Variants in SMARCA5 observed in about 807,000 individuals in gnomAD.
SMARCA5 encodes SNF2 related chromatin remodeling ATPase 5, also known as SWI/SNF-related matrix-associated actin-dependent regulator of chromatin subfamily A member 5.
SMARCA5 carries 18 observed loss-of-function variants against 140.4 expected under a neutral mutation model. That is an observed-to-expected ratio of 0.13 (90% CI 0.09 to 0.19). The LOEUF is 0.19. Ranked by LOEUF, SMARCA5 falls within the 10% of genes least tolerant of loss-of-function variation. The pLI is 1.00. For missense variants in SMARCA5, 606 were observed against 1,276.8 expected (o/e 0.47, Z 8.01); for synonymous variants, 449 against 419.6 (o/e 1.07, Z -0.86).
At chr4:143,525,096 A>G (rs1171580254) in intron 4 of SMARCA5, among the ~76,000 whole-genome samples, 1 of 149,328 alleles carries the variant, frequency 6.7e-6, no homozygotes, top group African/African-American at 2.5e-5. Flanking sequence ...GATAACCTGT[A>G]TCTGGTCTTT....
intron 20 of SMARCA5, 80 bp from the exon 21 acceptor site, chr4:143,547,305 A>G: frequency 1.3e-6 from 1 of 742,888 alleles, no homozygotes; most frequent in South Asian, 1.7e-5. Flanking sequence ...TAGAAGATAA[A>G]TAATCCAGTT....
intron 3 of SMARCA5, among the ~76,000 whole-genome samples, chr4:143,523,292 G>T (rs1049821514): frequency 6.6e-6 from 1 of 151,840 alleles, no homozygotes; most frequent in African/African-American, 2.4e-5. Flanking sequence ...CTCCTAAAGT[G>T]TTGGGATTAC....
chr4:143,535,447 A>T (rs1399612334), intron 10 of SMARCA5, among the ~76,000 whole-genome samples: 1 of 152,192 alleles, frequency 6.6e-6, no homozygotes, highest in African/African-American at 2.4e-5. Context: ...TTAACTGCAT[A>T]CTTAAATTTT....
In SMARCA5 at chr4:143,513,751, C is replaced by T. The variant is rs964863251; in HGVS notation, c.-174C>T. 3 of 672,096 alleles carry T rather than the reference C, an allele frequency of 4.5e-6. No individual in the cohort carries two copies. Among genetic ancestry groups the T allele is most frequent in the South Asian group, 1.9e-5 (1 of 53,092 alleles). 41.6% of individuals were successfully genotyped at this position (672,096 alleles called of 1,614,324 possible). A position where few individuals can be genotyped will look rare whatever the true frequency, so the allele number is the denominator to read the frequency against. On this transcript the variant is annotated 5_prime_UTR_variant, in exon 1 of 24. Coordinates refer to ENST00000283131, the MANE Select transcript of SMARCA5 (RefSeq NM_003601.4). ...GAAGAGCAGAACGTTTGGGAGTGTG[C>T]AGCTCCTGGGCCCGGCTCAGGCCCG... is the stretch of plus-strand genomic sequence containing the variant.
intron 14 of SMARCA5, among the ~76,000 whole-genome samples, chr4:143,541,727 C>T (rs958577555): frequency 1.3e-5 from 2 of 152,116 alleles, no homozygotes; most frequent in African/African-American, 4.8e-5. Context: ...GGGGACTTCT[C>T]GAGGCTGCCA....
Position 143,555,325 on chromosome 4 carries a change from A to T in SMARCA5, c.*2141A>T, listed in dbSNP as rs566315291. The T allele has an allele frequency of 1.4e-6, 1 of 740,438 alleles. No individual in the cohort carries two copies. Among genetic ancestry groups the T allele is most frequent in the Non-Finnish European group, 2.5e-6 (1 of 405,230 alleles). The allele number at this position is 740,438 out of a possible 1,614,324, so 45.9% of individuals were successfully genotyped here. A position where few individuals can be genotyped will look rare whatever the true frequency, so the allele number is the denominator to read the frequency against. The stretch of plus-strand genomic sequence containing the variant: ...TACCACCTCCAAAATTGCTTCAATC[A>T]TTACCAAATCTATTATAGCAATCCC... On this transcript the variant is annotated 3_prime_UTR_variant, in exon 24 of 24. Coordinates refer to ENST00000283131, the MANE Select transcript of SMARCA5 (RefSeq NM_003601.4).
At position 143,550,349 on chromosome 4, in the gene SMARCA5, A is replaced by T. The variant is rs189271033; in HGVS notation, c.3093+245A>T. On this transcript the variant is annotated intron_variant, in intron 23 of 23. Transcript: ENST00000283131. ...AGTTGTTATGAGTAAGTATGTATTT[A>T]TAGGTTACATGAGATACTTTGATAC... 5.8e-3 allele frequency among the ~76,000 whole-genome samples: 866 copies of T among 149,864 alleles called. 11 individuals are homozygous for T. Among genetic ancestry groups the T allele is most frequent in the African/African-American group, 0.02 (828 of 40,762 alleles).
At chr4:143,534,189 TAA>T (rs1737257033) in intron 9 of SMARCA5, among the ~76,000 whole-genome samples, 1 of 152,180 alleles carries the variant, frequency 6.6e-6, no homozygotes, top group Admixed American at 6.5e-5. Context: ...ATTGCACACT[TAA>T]TAGTGTAAAT....
At chr4:143,519,689 T>A (rs1736916290) in intron 2 of SMARCA5, among the ~76,000 whole-genome samples, 1 of 152,158 alleles carries the variant, frequency 6.6e-6, no homozygotes, top group African/African-American at 2.4e-5. Flanking sequence ...AAGTTCACTA[T>A]CCACTCCTCG....
chr4:143,514,116 C>A lies in SMARCA5; in HGVS notation c.177+15C>A. 1 of 1,519,764 alleles carries A rather than the reference C, an allele frequency of 6.6e-7. No individual in the cohort carries two copies. Among genetic ancestry groups the A allele is most frequent in the South Asian group, 1.2e-5 (1 of 82,062 alleles). The allele number at this position is 1,519,764 out of a possible 1,614,324, so 94.1% of individuals were successfully genotyped here. On this transcript the variant is annotated intron_variant, in intron 1 of 23. Transcript: ENST00000283131. Reference sequence around the variant, plus strand: ...CCGAGATGGAGGTGAGGGCGACTTGCGGCATGGGGAGCGGGTGCAGCGGGG... The same window carrying A: ...CCGAGATGGAGGTGAGGGCGACTTGAGGCATGGGGAGCGGGTGCAGCGGGG...
chr4:143,531,021 G>A (rs1737173433), intron 9 of SMARCA5, among the ~76,000 whole-genome samples: 1 of 152,098 alleles, frequency 6.6e-6, no homozygotes, highest in Non-Finnish European at 1.5e-5. Context: ...TCACCATGTT[G>A]CCCAGGCTAA....
intron 6 of SMARCA5, among the ~76,000 whole-genome samples, 168 bp from the exon 7 acceptor site, chr4:143,527,700 T>A (rs1008168156): frequency 8.5e-5 from 13 of 152,232 alleles, no homozygotes; most frequent in Non-Finnish European, 5.9e-5. Context: ...ATTAATGACG[T>A]TACTTTAGTC....
chr4:143,542,098 G>T (rs62337402), intron 14 of SMARCA5, among the ~76,000 whole-genome samples: 1 of 151,926 alleles, frequency 6.6e-6, no homozygotes, highest in African/African-American at 2.4e-5. Flanking sequence ...GACCTCAGGC[G>T]ATCCACCCAC....
At chr4:143,517,940 A>T (rs1736875507) in intron 2 of SMARCA5, among the ~76,000 whole-genome samples, 1 of 152,182 alleles carries the variant, frequency 6.6e-6, no homozygotes, top group South Asian at 2.1e-4. Context: ...GTGTCTATGT[A>T]AGCCAAATGG....
chr4:143,517,757 C>T (rs776549666), intron 2 of SMARCA5, among the ~76,000 whole-genome samples: 11 of 152,290 alleles, frequency 7.2e-5, no homozygotes, highest in Admixed American at 3.3e-4. Flanking sequence ...CTAATCACCT[C>T]TTATTAGGCC....
chr4:143,517,149 A>G (rs1736858097), intron 1 of SMARCA5, among the ~76,000 whole-genome samples: 1 of 152,224 alleles, frequency 6.6e-6, no homozygotes, highest in Non-Finnish European at 1.5e-5. Context: ...CAGTTTATAT[A>G]TATGGGTTAA....
intron 14 of SMARCA5, 111 bp downstream of exon 14, chr4:143,540,606 C>T (rs575613278): frequency 3.3e-4 from 325 of 981,296 alleles, no homozygotes; most frequent in Non-Finnish European, 4.5e-4. Flanking sequence ...GTCAAGCTTG[C>T]AGCCAGTAGA....
Position 143,546,002 on chromosome 4 carries a change from C to G in SMARCA5, c.2475C>G (p.Ser825=). 6.2e-7 allele frequency: 1 copy of G among 1,610,198 alleles called. No homozygotes were observed. Among genetic ancestry groups the G allele is most frequent in the Non-Finnish European group, 8.5e-7 (1 of 1,177,588 alleles). The change falls in exon 19 of 24, where the codon TCC becomes TCG. Residue 825 remains serine (S), a synonymous_variant. Coordinates refer to ENST00000283131, the MANE Select transcript of SMARCA5 (RefSeq NM_003601.4). The part of the protein sequence containing the change: ...EEQLKIDEAE[S]LNDEELEEKE... ...AGCTTAAAATTGATGAAGCTGAATCCCTTAATGATGAAGAGTTAGAGGAAA... is the reference window on the plus strand; with the variant it reads ...AGCTTAAAATTGATGAAGCTGAATCGCTTAATGATGAAGAGTTAGAGGAAA...
At chr4:143,544,947 C>CTTT (rs11289994) in intron 17 of SMARCA5, 100 bp downstream of exon 17, 15 of 361,430 alleles carry the variant, frequency 4.2e-5, no homozygotes, top group Non-Finnish European at 5.9e-5. Context: ...TTTTGTGTTT[C>CTTT]TTTTTTTTTT....
Sources: gnomAD v4.1 joint callset for allele counts (sites outside exome capture counted in the v4.1 genomes callset) on GRCh38, gnomAD v4.1.1 for gene constraint, MANE v1.5 for transcripts, NCBI Gene and HGNC (gene_info 2026-07-23, HGNC 2026-07-21) for gene names.